Variants in UBE3C observed in about 807,000 individuals in gnomAD.
UBE3C encodes the protein ubiquitin-protein ligase E3C.
A neutral mutation model predicts 129.4 loss-of-function variants in UBE3C; 42 were observed. The ratio of observed to expected loss-of-function variants is 0.32; its 90% CI spans 0.25 to 0.42. UBE3C has a LOEUF of 0.42. UBE3C is among the 10% of genes least tolerant of loss of function. UBE3C has a pLI of 1.00. For synonymous variants in UBE3C, 510 were observed against 492.4 expected, an observed-to-expected ratio of 1.04 and a Z score of -0.47; for missense variants, 1,049 against 1,319.1, an observed-to-expected ratio of 0.80 and a Z score of 3.17.
At chr7:157,162,542 CT>C (rs201356346) in intron 1 of UBE3C, among the ~76,000 whole-genome samples, 242 of 140,002 alleles carry the variant, frequency 1.7e-3, no homozygotes, top group Non-Finnish European at 1.5e-3. Context: ...CAATCTTGAA[CT>C]TTTTTTTTTT....
chr7:157,201,066 G>A (rs1260191212), intron 10 of UBE3C, among the ~76,000 whole-genome samples: 2 of 152,166 alleles, frequency 1.3e-5, no homozygotes, highest in Non-Finnish European at 2.9e-5. Flanking sequence ...GCACACACCT[G>A]TAATCCCAGC....
intron 18 of UBE3C, among the ~76,000 whole-genome samples, chr7:157,237,578 A>G (rs1238101160): frequency 6.6e-6 from 1 of 152,222 alleles, no homozygotes; most frequent in Non-Finnish European, 1.5e-5. Flanking sequence ...AGCAATAGTT[A>G]AACATCTGAA....
At chr7:157,260,448 A>G (rs981613941) in intron 22 of UBE3C, among the ~76,000 whole-genome samples, 2 of 152,112 alleles carry the variant, frequency 1.3e-5, no homozygotes, top group Non-Finnish European at 2.9e-5. Context: ...AGATAGGAGA[A>G]TCTCTCGAGC....
In UBE3C at chr7:157,207,890, A is replaced by C; in HGVS notation, c.1764A>C (p.Gln588His). 1 of 1,612,076 alleles carries C rather than the reference A, an allele frequency of 6.2e-7. No homozygotes were observed. The highest frequency in any genetic ancestry group is 8.5e-7 in the Non-Finnish European group (1 of 1,179,204). ...GAGTTACTACTAGCTCTGAAATGCA[A>C]CAATGCATACAGATGGAACAGAAAA... ...SIGVTTSSEM[Q>H]QCIQMEQKRW... is the part of the protein sequence containing the mutation. Residue 588 changes from glutamine to histidine, a missense_variant, in exon 13 of 23, where the codon CAA becomes CAC. Transcript: ENST00000348165.
intron 17 of UBE3C, among the ~76,000 whole-genome samples, chr7:157,229,954 G>T (rs1235667143): frequency 6.6e-6 from 1 of 151,530 alleles, no homozygotes; most frequent in Non-Finnish European, 1.5e-5. Context: ...TGTCACGCAG[G>T]TTGGGATGCA....
At chr7:157,143,831 C>G (rs1011243295) in intron 1 of UBE3C, among the ~76,000 whole-genome samples, 4 of 152,160 alleles carry the variant, frequency 2.6e-5, no homozygotes, top group African/African-American at 9.7e-5. Flanking sequence ...GCTTCGAACA[C>G]AGGTCCTTAA....
intron 1 of UBE3C, among the ~76,000 whole-genome samples, chr7:157,159,791 C>G (rs982218002): frequency 6.6e-6 from 1 of 152,176 alleles, no homozygotes; most frequent in Non-Finnish European, 1.5e-5. Flanking sequence ...CCACTGCACT[C>G]CAGCCTGGGC....
At chr7:157,204,001 A>G (rs897965315) in intron 11 of UBE3C, among the ~76,000 whole-genome samples, 5 of 152,222 alleles carry the variant, frequency 3.3e-5, no homozygotes, top group African/African-American at 7.2e-5. Flanking sequence ...ATTTTATAAT[A>G]AAGTGTTGAA....
At chr7:157,193,233 T>C (rs1042532660) in intron 10 of UBE3C, among the ~76,000 whole-genome samples, 19 of 152,212 alleles carry the variant, frequency 1.2e-4, no homozygotes, top group Admixed American at 3.3e-4. Flanking sequence ...ATCTGTTTTA[T>C]TGCTTTTTAT....
intron 1 of UBE3C, among the ~76,000 whole-genome samples, chr7:157,147,849 T>G (rs1807649345): frequency 1.3e-5 from 2 of 152,364 alleles, no homozygotes; most frequent in South Asian, 4.1e-4. Flanking sequence ...TTAAGTCATT[T>G]TAGAATATTG....
At chr7:157,211,112 G>A (rs1586691642) in intron 13 of UBE3C, among the ~76,000 whole-genome samples, 1 of 151,658 alleles carries the variant, frequency 6.6e-6, no homozygotes, top group African/African-American at 2.4e-5. Flanking sequence ...GGAAACAGGA[G>A]GAAGTGGCAG....
rs1440131945 is a variant in UBE3C at position 157,248,594 on chromosome 7, A to AG, written c.2694+16dup. On this transcript the variant is annotated intron_variant, in intron 19 of 22. Coordinates refer to ENST00000348165, the MANE Select transcript of UBE3C (RefSeq NM_014671.3). ...GGAGAGGCGCAGGTGAGGGGTCAGG[A>AG]GGAGGATTCACATACCTGTATAGCA... The AG allele has an allele frequency of 6.2e-7, 1 of 1,611,758 alleles. No homozygotes were observed.
Position 157,208,803 on chromosome 7 carries a change from A to G in UBE3C, c.1809+868A>G, listed in dbSNP as rs145328501. 2.8e-4 allele frequency among the ~76,000 whole-genome samples: 42 copies of G among 152,332 alleles called. No homozygotes were observed. The East Asian group carries it at 8.1e-3, about 29-fold the overall frequency. On this transcript the variant is annotated intron_variant, in intron 13 of 22. Coordinates refer to ENST00000348165, the MANE Select transcript of UBE3C (RefSeq NM_014671.3). ...TGTAACTGTTGGGATGGAAAAAAAG[A>G]AAAGGAAAAGGGTGCTTGACTTCCC...
intron 15 of UBE3C, chr7:157,222,901 G>A: frequency 4.3e-6 from 1 of 230,466 alleles, no homozygotes; most frequent in South Asian, 6.5e-5. Context: ...CACGAAGGTG[G>A]TCGGGGGTGG....
intron 22 of UBE3C, among the ~76,000 whole-genome samples, chr7:157,266,262 C>T (rs1315009474): frequency 6.6e-6 from 1 of 152,030 alleles, no homozygotes; most frequent in Non-Finnish European, 1.5e-5. Flanking sequence ...TGCAGTAAGC[C>T]GAGATTGCAC....
chr7:157,230,771 C>T (rs760694673), intron 17 of UBE3C, among the ~76,000 whole-genome samples: 35 of 151,392 alleles, frequency 2.3e-4, no homozygotes, highest in Admixed American at 1.4e-3. Context: ...AAAGCCATCC[C>T]GAGCCACATC....
At chr7:157,155,454 C>A (rs1055934172) in intron 1 of UBE3C, among the ~76,000 whole-genome samples, 2 of 151,990 alleles carry the variant, frequency 1.3e-5, no homozygotes, top group East Asian at 1.9e-4. Flanking sequence ...AAGATATTTA[C>A]AAACATGCTA....
In UBE3C at chr7:157,169,142, A is replaced by G. The variant is rs1212089447; in HGVS notation, c.195+20A>G. ...CAGCAAGTAAGTTTGTTTTAAAATG[A>G]GGAGATTAGTAGGGCATGGGAGAGC... On this transcript the variant is annotated intron_variant, in intron 3 of 22. Coordinates refer to ENST00000348165, the MANE Select transcript of UBE3C (RefSeq NM_014671.3). 1.2e-6 allele frequency: 2 copies of G among 1,600,450 alleles called. No individual in the cohort carries two copies. Among genetic ancestry groups the G allele is most frequent in the African/African-American group, 1.3e-5 (1 of 74,714 alleles).
At chr7:157,167,902 CAAT>C (rs1808261544) in intron 2 of UBE3C, among the ~76,000 whole-genome samples, 1 of 152,080 alleles carries the variant, frequency 6.6e-6, no homozygotes, top group South Asian at 2.1e-4. Flanking sequence ...CTGGTCATAA[CAAT>C]GATGAAGAAC....
Sources: allele counts gnomAD v4.1 joint callset (sites outside exome capture counted in the v4.1 genomes callset), GRCh38; gene constraint gnomAD v4.1.1; transcripts MANE v1.5; gene names NCBI Gene and HGNC (gene_info 2026-07-23, HGNC 2026-07-21).